Variants in MYPN observed in about 807,000 individuals in gnomAD.
MYPN encodes sarcomeric protein myopalladin, 145 kDa (MYOP).
In MYPN, 63 loss-of-function variants were observed where a neutral mutation model predicts 129.4. The ratio of observed to expected loss-of-function variants is 0.49; its 90% CI spans 0.40 to 0.60. The LOEUF is 0.60. Among genes scored for constraint, MYPN ranks in the 20% least tolerant of loss-of-function variants. The probability of loss-of-function intolerance (pLI) is 0.00; values close to 1 mark genes in which losing one functional copy is unlikely to be tolerated. For missense variants in MYPN, 1,596 were observed against 1,635.4 expected (o/e 0.98, Z 0.42); for synonymous variants, 629 against 600.9 (o/e 1.05, Z -0.68).
intron 7 of MYPN, 96 bp downstream of exon 7, chr10:68,158,723 A>G (rs1227424998): frequency 1.1e-5 from 10 of 918,542 alleles, no homozygotes; most frequent in Non-Finnish European, 1.6e-5. Context: ...AATTAAAAAT[A>G]TAGTCAAAAA....
At chr10:68,104,480 A>G (rs1329150231), upstream of MYPN, among the ~76,000 whole-genome samples, 3 of 152,210 alleles carry the variant, frequency 2.0e-5, no homozygotes, top group African/African-American at 7.2e-5. Flanking sequence ...CACAATAATT[A>G]TAACAAATAG....
intron 8 of MYPN, among the ~76,000 whole-genome samples, chr10:68,162,427 T>G (rs1010109462): frequency 9.2e-5 from 14 of 152,214 alleles, no homozygotes; most frequent in African/African-American, 3.4e-4. Context: ...TCAAAACTTA[T>G]GCATCATCAG....
At chr10:68,105,138 T>C (rs1284633288), upstream of MYPN, among the ~76,000 whole-genome samples, 1 of 152,182 alleles carries the variant, frequency 6.6e-6, no homozygotes, top group Non-Finnish European at 1.5e-5. Context: ...GTTGGAAATA[T>C]AATCATTTGA....
chr10:68,163,763 C>T (rs1287378049), intron 8 of MYPN, among the ~76,000 whole-genome samples: 3 of 152,272 alleles, frequency 2.0e-5, no homozygotes, highest in South Asian at 4.1e-4. Context: ...TGCAAATGGT[C>T]AGGATCTAGT....
At chr10:68,141,087 A>T (rs991861712) in intron 2 of MYPN, among the ~76,000 whole-genome samples, 2 of 151,426 alleles carry the variant, frequency 1.3e-5, no homozygotes, top group Admixed American at 6.6e-5. Flanking sequence ...CCCCAAAAAA[A>T]GGGCCAGGCG....
At chr10:68,121,242 C>T (rs2042236260) in intron 1 of MYPN, among the ~76,000 whole-genome samples, 196 bp from the exon 2 acceptor site, 1 of 152,184 alleles carries the variant, frequency 6.6e-6, no homozygotes, top group Non-Finnish European at 1.5e-5. Context: ...TGCATCACTG[C>T]ACTCCAGCCT....
At chr10:68,206,659 G>T (rs761765588) in intron 18 of MYPN, 111 bp from the exon 19 acceptor site, 303 of 1,423,314 alleles carry the variant, frequency 2.1e-4, no homozygotes, top group Non-Finnish European at 2.9e-4. Flanking sequence ...CTTCAAATTT[G>T]TCTTGATGTC....
chr10:68,087,907 G>A (rs2041914563), exon 1 of MYPN, among the ~76,000 whole-genome samples: 1 of 152,182 alleles, frequency 6.6e-6, no homozygotes, highest in Non-Finnish European at 1.5e-5. Context: ...AGCCTTTCCT[G>A]CCCTCAACAA....
intron 3 of MYPN, among the ~76,000 whole-genome samples, chr10:68,144,409 C>T (rs1186424745): frequency 6.6e-6 from 1 of 152,142 alleles, no homozygotes; most frequent in African/African-American, 2.4e-5. Flanking sequence ...CCAATATGTA[C>T]TTGTACTAGG....
intron 1 of MYPN, among the ~76,000 whole-genome samples, chr10:68,098,202 C>T (rs912540461): frequency 3.9e-5 from 6 of 151,940 alleles, no homozygotes; most frequent in African/African-American, 9.7e-5. Flanking sequence ...GCTGAGATTG[C>T]GCCTCTGCAC....
At chr10:68,188,301 A>G (rs2043453193) in intron 12 of MYPN, among the ~76,000 whole-genome samples, 1 of 151,586 alleles carries the variant, frequency 6.6e-6, no homozygotes, top group African/African-American at 2.4e-5. Flanking sequence ...GTAGAGACAG[A>G]GCTTTTCTGT....
Position 68,182,408 on chromosome 10 carries a change from T to TATATATAACATATATAACAC in MYPN, c.2704-6481_2704-6480insACACATATATAACATATATA, listed in dbSNP as rs2043342298. Among the ~76,000 whole-genome samples, 12 of 86,682 alleles carry TATATATAACATATATAACAC rather than the reference T, an allele frequency of 1.4e-4. 2 individuals carry two copies. The highest frequency in any genetic ancestry group is 5.7e-4 in the Admixed American group (4 of 7,014). 56.9% of individuals were successfully genotyped at this position (86,682 alleles called of 152,430 possible). ...ACATATATAACATATATATAACACATATATATAACATATATATAACACATA... is the reference window on the plus strand; with the variant it reads ...ACATATATAACATATATATAACACATATATATAACATATATAACACATATATAACATATATATAACACATA... On this transcript the variant is annotated intron_variant, in intron 12 of 19. Coordinates refer to ENST00000358913, the MANE Select transcript of MYPN (RefSeq NM_032578.4).
intron 16 of MYPN, 113 bp from the exon 17 acceptor site, chr10:68,199,255 C>A: frequency 9.8e-7 from 1 of 1,024,756 alleles, no homozygotes; most frequent in Non-Finnish European, 1.5e-6. Flanking sequence ...TTTCTCATCA[C>A]TCCATGTTTT....
In MYPN at chr10:68,093,546, G is replaced by T. The variant is rs181750379; in HGVS notation, c.-2+5554G>T. Among the ~76,000 whole-genome samples, 14 of 148,888 alleles carry T rather than the reference G, an allele frequency of 9.4e-5. No homozygotes were observed. The East Asian group carries it at 2.8e-3, about 30-fold the overall frequency. ...GAGGTCAGCAGATCGAGACCATCCCGGCTAACGTGGTGAAACCCCATCTCT... is the reference window on the plus strand; with the variant it reads ...GAGGTCAGCAGATCGAGACCATCCCTGCTAACGTGGTGAAACCCCATCTCT... On this transcript the variant is annotated intron_variant, in intron 1 of 6. Transcript: ENST00000685154.
Position 68,188,952 on chromosome 10 carries a change from G to T in MYPN, c.2751G>T (p.Glu917Asp), listed in dbSNP as rs1243664605. The T allele has an allele frequency of 6.2e-7, 1 of 1,614,084 alleles. No homozygotes were observed. Among genetic ancestry groups the T allele is most frequent in the South Asian group, 1.1e-5 (1 of 91,068 alleles). The stretch of plus-strand genomic sequence containing the variant: ...AGCAGAGGCTGATGAATGAAATAGA[G>T]TTTCGCTTGGAACGTACTCCTGTTG... ...SFEQRLMNEI[E>D]FRLERTPVDE... The change falls in exon 13 of 20, where the codon GAG (glutamate) becomes GAT (aspartate). Residue 917 changes from glutamate to aspartate, a missense_variant. By Grantham distance (45) the Glu-to-Asp change is conservative (BLOSUM62 2). Transcript: ENST00000358913.
intron 3 of MYPN, among the ~76,000 whole-genome samples, chr10:68,145,011 A>G (rs1015402083): frequency 1.8e-4 from 27 of 151,578 alleles, no homozygotes; most frequent in Admixed American, 6.6e-4. Context: ...AGTGTAGTGA[A>G]TCAATGAGTT....
chr10:68,113,963 C>G (rs908620204), intron 1 of MYPN, among the ~76,000 whole-genome samples: 1 of 152,136 alleles, frequency 6.6e-6, no homozygotes, highest in Non-Finnish European at 1.5e-5. Context: ...TAACTATAGT[C>G]CCCATGCTGT....
At position 68,211,428 on chromosome 10, in the gene MYPN, C is replaced by T. The variant is rs1268545105; in HGVS notation, c.*973C>T. 6.6e-6 allele frequency: 3 copies of T among 453,938 alleles called. No individual in the cohort carries two copies. The highest frequency in any genetic ancestry group is 1.3e-5 in the Non-Finnish European group (3 of 226,784). 28.1% of individuals were successfully genotyped at this position (453,938 alleles called of 1,614,324 possible). On this transcript the variant is annotated 3_prime_UTR_variant, in exon 20 of 20. Coordinates refer to ENST00000358913, the MANE Select transcript of MYPN (RefSeq NM_032578.4). ...AATGATGGGAGAGTGTTGTTTTTGTCACTTGCCCCAGCAGAGCAGGGGTTT... is the reference window on the plus strand; with the variant it reads ...AATGATGGGAGAGTGTTGTTTTTGTTACTTGCCCCAGCAGAGCAGGGGTTT...
intron 15 of MYPN, among the ~76,000 whole-genome samples, chr10:68,196,483 C>CTTCTTT (rs2043607593): frequency 3.6e-5 from 4 of 112,516 alleles, no homozygotes; most frequent in South Asian, 3.1e-4. Flanking sequence ...CCTTCTTCTT[C>CTTCTTT]TTTTTTTTTT....
Sources: allele counts gnomAD v4.1 joint callset (sites outside exome capture counted in the v4.1 genomes callset), GRCh38; gene constraint gnomAD v4.1.1; transcripts MANE v1.5; gene names NCBI Gene and HGNC (gene_info 2026-07-23, HGNC 2026-07-21).